COL5A1: variants seen among roughly 807,000 people sequenced by gnomAD.
COL5A1 encodes collagen alpha-1(V) chain.
COL5A1 carries 16 observed loss-of-function variants against 263.7 expected under a neutral mutation model. That is an observed-to-expected ratio of 0.06 (90% CI 0.04 to 0.09). The LOEUF is 0.09. Among genes scored for constraint, COL5A1 ranks in the 10% least tolerant of loss-of-function variants. The pLI, the probability that COL5A1 is intolerant of heterozygous loss-of-function variation, is 1.00. For missense variants in COL5A1, 2,036 were observed against 2,540.5 expected (o/e 0.80, Z 4.27); for synonymous variants, 1,012 against 1,004.5 (o/e 1.01, Z -0.14).
rs550055330 is a variant in COL5A1, at chr9:134,740,474, G to A, written c.1494+1666G>A. On this transcript the variant is annotated intron_variant, in intron 11 of 65. Transcript: ENST00000371817. ...AGTGCATTGCATGGCACTGGGAGCTGTTTTCTCTCCCAGATGTAGGACAGG... is the reference window on the plus strand; with the variant it reads ...AGTGCATTGCATGGCACTGGGAGCTATTTTCTCTCCCAGATGTAGGACAGG... 1.1e-4 allele frequency among the ~76,000 whole-genome samples: 16 copies of A among 152,348 alleles called. No homozygotes were observed. The South Asian group carries it at 3.3e-3, about 32-fold the overall frequency.
intron 53 of COL5A1, 137 bp downstream of exon 53, chr9:134,817,216 C>T (rs1273092474): frequency 3.9e-6 from 3 of 767,104 alleles, no homozygotes; most frequent in Non-Finnish European, 6.7e-6. Context: ...GCATGTTCTC[C>T]ACTTAGCCTC....
chr9:134,802,499 G>A (rs187443586), intron 38 of COL5A1, among the ~76,000 whole-genome samples: 1 of 152,354 alleles, frequency 6.6e-6, no homozygotes, highest in East Asian at 1.9e-4. Flanking sequence ...TGAGTAAGAC[G>A]TAGACCTGCT....
At chr9:134,692,395 C>G (rs1385769381) in intron 2 of COL5A1, among the ~76,000 whole-genome samples, 1 of 152,198 alleles carries the variant, frequency 6.6e-6, no homozygotes, top group African/African-American at 2.4e-5. Flanking sequence ...TCATAAGCTT[C>G]TGGGAGAGCA....
At chr9:134,675,537 G>T (rs1832661425) in intron 1 of COL5A1, among the ~76,000 whole-genome samples, 1 of 152,102 alleles carries the variant, frequency 6.6e-6, no homozygotes, top group East Asian at 1.9e-4. Flanking sequence ...TGTTGTTGTT[G>T]TGGTTCTCTA....
Position 134,642,053 on chromosome 9 carries a change from G to A in COL5A1, c.-135G>A. ...GCCGCCGCCACAAAGAAGAACGGGGGGTGCCGAGGTCCCCATGACCTCCTA... is the reference window on the plus strand; with the variant it reads ...GCCGCCGCCACAAAGAAGAACGGGGAGTGCCGAGGTCCCCATGACCTCCTA... On this transcript the variant is annotated 5_prime_UTR_variant, in exon 1 of 66. Transcript: ENST00000371817. This position sits in a 1 kb window ranked among gnomAD's most constrained non-coding sequence, Gnocchi z 4.5. 1.4e-6 allele frequency: 1 copy of A among 712,870 alleles called. No individual in the cohort carries two copies. Among genetic ancestry groups the A allele is most frequent in the African/African-American group, 1.8e-5 (1 of 54,520 alleles). The allele number at this position is 712,870 out of a possible 1,614,324, so 44.2% of individuals were successfully genotyped here.
chr9:134,841,042 C>G lies in COL5A1; in HGVS notation c.5371-1115C>G, dbSNP rs1369439144. ...TCCGGCCTGGGAGTCTGCGCTGGGC[C>G]CTCTGCAGGGCTGCATCCTGGGGTC... is the stretch of plus-strand genomic sequence containing the variant. On this transcript the variant is annotated intron_variant, in intron 65 of 65. Coordinates refer to ENST00000371817, the MANE Select transcript of COL5A1 (RefSeq NM_000093.5). This position sits in a 1 kb window ranked among gnomAD's most constrained non-coding sequence, Gnocchi z 4.8. Among the ~76,000 whole-genome samples, 1 of 152,198 alleles carries G rather than the reference C, an allele frequency of 6.6e-6. No homozygotes were observed. Among genetic ancestry groups the G allele is most frequent in the East Asian group, 1.9e-4 (1 of 5,188 alleles).
intron 53 of COL5A1, among the ~76,000 whole-genome samples, chr9:134,817,557 A>G (rs1021708149): frequency 2.0e-5 from 3 of 151,928 alleles, no homozygotes; most frequent in South Asian, 2.1e-4. Context: ...AGTCCATAGG[A>G]CTCATGCTGA....
rs66698367 is a variant in COL5A1, at chr9:134,652,484, C to T, written c.109+10188C>T. ...CTGAAACAGGTGGACATCATGGCTT[C>T]TCAGCCCAGGCCATTTGGGGACATG... On this transcript the variant is annotated intron_variant, in intron 1 of 65. Transcript: ENST00000371817. The surrounding 1 kb of genome is among the most constrained non-coding windows in gnomAD (Gnocchi z 4.4). Among the ~76,000 whole-genome samples the T allele has an allele frequency of 0.076, 11,550 of 152,240 alleles. 560 individuals carry two copies. The highest frequency in any genetic ancestry group is 0.11 in the Non-Finnish European group (7,207 of 68,004).
At chr9:134,708,416 TC>T in intron 4 of COL5A1, 1 of 379,480 alleles carries the variant, frequency 2.6e-6, no homozygotes, top group Admixed American at 3.1e-5. Context: ...TCAGAGCAAC[TC>T]CCGGGGTGGG....
intron 63 of COL5A1, among the ~76,000 whole-genome samples, chr9:134,826,750 T>TGTGTGGCTG (rs1839289809): frequency 6.7e-6 from 1 of 148,946 alleles, no homozygotes; most frequent in Admixed American, 6.7e-5. Context: ...GGTGTTCGGG[T>TGTGTGGCTG]GTGTGTGGCT....
At position 134,823,039 on chromosome 9, in the gene COL5A1, TA is replaced by T. The variant is rs978912895; in HGVS notation, c.4644+8del. Reference sequence around the variant, plus strand: ...AAGGTGCTAAGGGCTCCTCGGTAAGTAACATGCTGCCCAGCCAGGCCAATGC... The same window carrying T: ...AAGGTGCTAAGGGCTCCTCGGTAAGTACATGCTGCCCAGCCAGGCCAATGC... On this transcript the variant is annotated splice_region_variant and intron_variant, in intron 60 of 65. Transcript: ENST00000371817. 5 of 1,613,830 alleles carry T rather than the reference TA, an allele frequency of 3.1e-6. No homozygotes were observed. Among genetic ancestry groups the T allele is most frequent in the Non-Finnish European group, 4.2e-6 (5 of 1,179,912 alleles).
rs78511105 is a variant in COL5A1, at chr9:134,796,895, C to A, written c.2892C>A (p.Gly964=). Residue 964 remains glycine, a synonymous_variant, in exon 36 of 66, where the codon GGC becomes GGA. Transcript: ENST00000371817. Reference sequence around the variant, plus strand: ...CCACAGGATTTCCTGGACCAAAGGGCCCCCCTGTAAGTAATGGCTTCCTTG... The same window carrying A: ...CCACAGGATTTCCTGGACCAAAGGGACCCCCTGTAAGTAATGGCTTCCTTG... The part of the protein sequence containing the change: ...QGPTGFPGPK[G]PPGPPGKDGL... The A allele has an allele frequency of 1.2e-6, 2 of 1,613,720 alleles. No homozygotes were observed. Among genetic ancestry groups the A allele is most frequent in the African/African-American group, 1.3e-5 (1 of 74,958 alleles).
At chr9:134,822,847 A>G in intron 59 of COL5A1, 151 bp from the exon 60 acceptor site, 2 of 917,790 alleles carry the variant, frequency 2.2e-6, no homozygotes, top group Admixed American at 4.0e-5. Context: ...CCCTCCTCCC[A>G]CTCTAGCCGG....
chr9:134,800,478 C>T (rs1252683765), intron 37 of COL5A1, among the ~76,000 whole-genome samples: 1 of 152,218 alleles, frequency 6.6e-6, no homozygotes, highest in East Asian at 1.9e-4. Flanking sequence ...GGCACAGTGG[C>T]TCACGCCTGC....
At chr9:134,675,055 G>A (rs4842141) in intron 1 of COL5A1, among the ~76,000 whole-genome samples, 131,586 of 152,180 alleles carry the variant, frequency 0.86, 57,271 homozygotes, top group South Asian at 0.89. Context: ...GCACAGATGA[G>A]TGGCTATGGT....
At chr9:134,817,107 C>A in intron 53 of COL5A1, 28 bp downstream of exon 53, 1 of 1,605,244 alleles carries the variant, frequency 6.2e-7, no homozygotes, top group Non-Finnish European at 8.5e-7. Flanking sequence ...CACATCCTTG[C>A]TGTCAAATCC....
rs1320061185 is a variant in COL5A1, at chr9:134,696,197, A to G, written c.278-3712A>G. 6.6e-6 allele frequency among the ~76,000 whole-genome samples: 1 copy of G among 151,970 alleles called. No homozygotes were observed. Among genetic ancestry groups the G allele is most frequent in the Non-Finnish European group, 1.5e-5 (1 of 68,012 alleles). On this transcript the variant is annotated intron_variant, in intron 2 of 65. Transcript: ENST00000371817. This position sits in a 1 kb window ranked among gnomAD's most constrained non-coding sequence, Gnocchi z 4.3. ...TTATTATTATTATTATTATTGAGAC[A>G]GAGTCTCACTCTGTCGCCCAGGCTG...
intron 49 of COL5A1, among the ~76,000 whole-genome samples, chr9:134,814,368 C>G (rs1838658637): frequency 6.6e-6 from 1 of 152,218 alleles, no homozygotes; most frequent in African/African-American, 2.4e-5. Context: ...TCCAGGCCTT[C>G]TCAGGCCAGA....
intron 52 of COL5A1, 119 bp downstream of exon 52, chr9:134,816,107 T>C: frequency 2.3e-6 from 2 of 888,582 alleles, no homozygotes; most frequent in Non-Finnish European, 3.8e-6. Flanking sequence ...GATTCCTTTA[T>C]GATATCGATT....
Sources: gnomAD v4.1 joint callset for allele counts (sites outside exome capture counted in the v4.1 genomes callset) on GRCh38, gnomAD v4.1.1 for gene constraint, Gnocchi (gnomAD v3.1) non-coding constraint, MANE v1.5 for transcripts, NCBI Gene and HGNC (gene_info 2026-07-23, HGNC 2026-07-21) for gene names.